PITPNA: variants seen among roughly 807,000 people sequenced by gnomAD.
PITPNA encodes the protein phosphatidylinositol transfer protein alpha.
PITPNA carries 13 observed loss-of-function variants against 50.3 expected under a neutral mutation model. That is an observed-to-expected ratio of 0.26 (90% CI 0.17 to 0.41). The LOEUF (loss-of-function observed/expected upper bound fraction) is 0.41. Ranked by LOEUF, PITPNA falls within the 10% of genes least tolerant of loss-of-function variation. PITPNA has a pLI of 1.00. For synonymous variants in PITPNA, 120 were observed against 119.6 expected (o/e 1.00, Z -0.02); for missense variants, 207 against 333.4 (o/e 0.62, Z 2.95).
At chr17:1,521,549 G>A (rs2075512641) in intron 11 of PITPNA, 30 bp downstream of exon 11, 3 of 1,495,748 alleles carry the variant, frequency 2.0e-6, no homozygotes, top group Admixed American at 3.3e-5. Context: ...TAGCGTCTGT[G>A]ACACGCACAG....
intron 2 of PITPNA, among the ~76,000 whole-genome samples, chr17:1,553,620 G>C (rs1191368991): frequency 6.6e-6 from 1 of 152,112 alleles, no homozygotes; most frequent in African/African-American, 2.4e-5. Flanking sequence ...GAGTCCAAAG[G>C]AGCTTTTGTG....
intron 10 of PITPNA, among the ~76,000 whole-genome samples, chr17:1,525,550 G>A (rs1311642463): frequency 3.8e-5 from 5 of 130,720 alleles, no homozygotes; most frequent in Non-Finnish European, 3.1e-5. Flanking sequence ...TCACTCTGTC[G>A]CTCTGTCGCC....
At chr17:1,521,506 G>A in intron 11 of PITPNA, 73 bp downstream of exon 11, 1 of 978,088 alleles carries the variant, frequency 1.0e-6, no homozygotes, top group Non-Finnish European at 1.7e-6. Flanking sequence ...ACTCCATAGT[G>A]AGCTGCTGAG....
intron 1 of PITPNA, among the ~76,000 whole-genome samples, 171 bp from the exon 2 acceptor site, chr17:1,558,730 T>C (rs1329273708): frequency 1.4e-5 from 2 of 147,234 alleles, no homozygotes; most frequent in Non-Finnish European, 3.0e-5. Context: ...CAGGACCCTC[T>C]GTGCCCTAGA....
At chr17:1,535,051 C>T in intron 9 of PITPNA, 131 bp downstream of exon 9, 1 of 630,284 alleles carries the variant, frequency 1.6e-6, no homozygotes, top group Non-Finnish European at 2.9e-6. Context: ...TCTCCACCAC[C>T]CCCCACCGCA....
At chr17:1,559,333 G>A (rs1275915587) in intron 1 of PITPNA, among the ~76,000 whole-genome samples, 1 of 152,194 alleles carries the variant, frequency 6.6e-6, no homozygotes, top group Admixed American at 6.5e-5. Flanking sequence ...GATGCCACCA[G>A]CAACCTATTG....
chr17:1,536,584 C>T (rs1390330994), intron 7 of PITPNA, among the ~76,000 whole-genome samples: 3 of 151,110 alleles, frequency 2.0e-5, no homozygotes, highest in Non-Finnish European at 4.4e-5. Context: ...CCACCGCGCC[C>T]TGCCTTATTT....
intron 5 of PITPNA, among the ~76,000 whole-genome samples, chr17:1,542,184 C>T (rs2075651397): frequency 6.7e-6 from 1 of 150,330 alleles, no homozygotes; most frequent in African/African-American, 2.5e-5. Context: ...TAGGAAACAA[C>T]AGCAAGACTC....
At chr17:1,552,909 A>C in intron 3 of PITPNA, 95 bp downstream of exon 3, 1 of 1,220,538 alleles carries the variant, frequency 8.2e-7, no homozygotes, top group Middle Eastern at 2.7e-4. Context: ...TATAACAATT[A>C]GTATAATCCC....
chr17:1,547,608 C>T (rs570622461), intron 4 of PITPNA, among the ~76,000 whole-genome samples: 110 of 152,094 alleles, frequency 7.2e-4, no homozygotes, highest in African/African-American at 2.5e-3. Flanking sequence ...CAAGATTGTG[C>T]CATTGCTCTC....
rs112421524 is a variant in PITPNA at position 1,562,253 on chromosome 17, T to C, written c.20+288A>G. On this transcript the variant is annotated intron_variant, in intron 1 of 11. Transcript: ENST00000313486. The surrounding 1 kb of genome is among the most constrained non-coding windows in gnomAD (Gnocchi z 6.4). The stretch of plus-strand genomic sequence containing the variant: ...CCCGTGGGCCCCTCCATGCCCCGGC[T>C]GCCCGTCCATGCCCCGTGGGCCCCG... Among the ~76,000 whole-genome samples, 38,575 of 150,696 alleles carry C rather than the reference T, an allele frequency of 0.26. 5,106 individuals carry two copies. The highest frequency in any genetic ancestry group is 0.29 in the Non-Finnish European group (19,703 of 67,528).
At chr17:1,555,308 C>A (rs1046635152) in intron 2 of PITPNA, among the ~76,000 whole-genome samples, 8 of 152,194 alleles carry the variant, frequency 5.3e-5, no homozygotes, top group African/African-American at 1.7e-4. Context: ...ATCCTTTAAT[C>A]CCAATGAGAC....
chr17:1,521,729 G>A (rs948987169), intron 10 of PITPNA, 84 bp from the exon 11 acceptor site: 15 of 1,137,538 alleles, frequency 1.3e-5, no homozygotes, highest in Non-Finnish European at 9.3e-6. Context: ...TAGGTGGGGT[G>A]GGGCATATTT....
rs778349322 is a variant in PITPNA, at chr17:1,555,640, G to T, written c.52-2491C>A. On this transcript the variant is annotated intron_variant, in intron 2 of 11. Coordinates refer to ENST00000313486, the MANE Select transcript of PITPNA (RefSeq NM_006224.4). ...ACTCCACAACTTTGGCAATCTGGGA[G>T]GGGGAGCCCAGTGGGTGGGCCTGAA... 3.9e-5 allele frequency among the ~76,000 whole-genome samples: 6 copies of T among 152,332 alleles called. No homozygotes were observed. The East Asian group carries it at 9.6e-4, about 24-fold the overall frequency.
At chr17:1,536,599 A>G (rs952309354) in intron 7 of PITPNA, among the ~76,000 whole-genome samples, 5 of 117,332 alleles carry the variant, frequency 4.3e-5, no homozygotes, top group African/African-American at 1.7e-4. Context: ...TTATTTTTTT[A>G]TTTTATTTTT....
At chr17:1,533,822 T>A (rs2075598181) in intron 10 of PITPNA, among the ~76,000 whole-genome samples, 1 of 152,108 alleles carries the variant, frequency 6.6e-6, no homozygotes, top group African/African-American at 2.4e-5. Context: ...CTCTGAAGCA[T>A]CGCTGTAGCA....
intron 8 of PITPNA, 21 bp from the exon 9 acceptor site, chr17:1,535,313 T>C (rs773534790): frequency 3.1e-5 from 49 of 1,575,618 alleles, no homozygotes; most frequent in Non-Finnish European, 4.0e-5. Flanking sequence ...AACATACCCA[T>C]GGGTACGCAA....
chr17:1,535,132 C>T (rs760366973), intron 9 of PITPNA, 50 bp downstream of exon 9: 3 of 1,170,188 alleles, frequency 2.6e-6, no homozygotes, highest in East Asian at 4.7e-5. Flanking sequence ...CACCACCCCC[C>T]CACAACACAC....
At chr17:1,544,108 T>C (rs2075661367) in intron 4 of PITPNA, among the ~76,000 whole-genome samples, 1 of 152,232 alleles carries the variant, frequency 6.6e-6, no homozygotes, top group African/African-American at 2.4e-5. Context: ...AGCACCTTTT[T>C]TGAATCTATC....
Sources: gnomAD v4.1 joint callset for allele counts (sites outside exome capture counted in the v4.1 genomes callset) on GRCh38, gnomAD v4.1.1 for gene constraint, Gnocchi (gnomAD v3.1) non-coding constraint, MANE v1.5 for transcripts, NCBI Gene and HGNC (gene_info 2026-07-23, HGNC 2026-07-21) for gene names.